WWOX: variants seen among roughly 807,000 people sequenced by gnomAD.
The protein encoded by WWOX is WW domain-containing oxidoreductase.
WWOX carries 69 observed loss-of-function variants against 46.2 expected under a neutral mutation model. The ratio of observed to expected loss-of-function variants is 1.49; its 90% CI spans 1.23 to 1.82. The LOEUF (loss-of-function observed/expected upper bound fraction) is 1.82, where lower values mean the gene tolerates loss of function less well. WWOX is among the 40% of genes most tolerant of loss of function. The probability of loss-of-function intolerance (pLI) is 0.00; values close to 1 mark genes in which losing one functional copy is unlikely to be tolerated. For missense variants in WWOX, 919 were observed against 542.6 expected (o/e 1.69, Z -6.89); for synonymous variants, 359 against 202.6 (o/e 1.77, Z -6.56).
At chr16:78,423,155 G>A (rs555931589) in intron 6 of WWOX, among the ~76,000 whole-genome samples, 2 of 152,222 alleles carry the variant, frequency 1.3e-5, no homozygotes, top group Admixed American at 6.5e-5. Context: ...AAAGTGCTGA[G>A]ATTACAGGCG....
At chr16:78,188,880 T>C (rs1052185613) in intron 5 of WWOX, among the ~76,000 whole-genome samples, 1 of 152,180 alleles carries the variant, frequency 6.6e-6, no homozygotes, top group Non-Finnish European at 1.5e-5. Flanking sequence ...ATTCTGCATT[T>C]GACTAACAGA....
intron 8 of WWOX, among the ~76,000 whole-genome samples, chr16:79,058,114 AAAAAAACAAACAAAC>A (rs2048296710): frequency 7.7e-6 from 1 of 129,742 alleles, no homozygotes; most frequent in African/African-American, 4.0e-5. Flanking sequence ...CTTAAAAAAA[AAAAAAACAAACAAAC>A]AAAAAAAAAA....
intron 4 of WWOX, among the ~76,000 whole-genome samples, chr16:78,154,485 C>CTTT (rs557916068): frequency 2.6e-4 from 20 of 77,816 alleles, no homozygotes; most frequent in Middle Eastern, 8.8e-3. Context: ...AATCCTTGAT[C>CTTT]TTTTTTTTTT....
chr16:78,769,932 T>C (rs755267016), intron 8 of WWOX, among the ~76,000 whole-genome samples: 63 of 152,260 alleles, frequency 4.1e-4, no homozygotes, highest in Middle Eastern at 6.8e-3. Context: ...GGGTCCCAGC[T>C]ACTTGGCAGG....
At chr16:79,142,914 G>A (rs1352851525) in intron 8 of WWOX, among the ~76,000 whole-genome samples, 1 of 151,994 alleles carries the variant, frequency 6.6e-6, no homozygotes, top group Non-Finnish European at 1.5e-5. Context: ...TTATTGCCCA[G>A]GCTGATCTTG....
At chr16:78,265,297 G>T (rs1274173206) in intron 5 of WWOX, among the ~76,000 whole-genome samples, 2 of 151,982 alleles carry the variant, frequency 1.3e-5, no homozygotes, top group African/African-American at 2.4e-5. Context: ...ACCCAGCCAA[G>T]AAATTAATTT....
intron 8 of WWOX, among the ~76,000 whole-genome samples, chr16:78,688,277 G>A (rs905072045): frequency 6.0e-5 from 9 of 150,504 alleles, no homozygotes; most frequent in African/African-American, 1.7e-4. Context: ...TTGTTGCATC[G>A]TCTTTATCCT....
At chr16:78,783,369 G>A (rs1406006948) in intron 8 of WWOX, among the ~76,000 whole-genome samples, 1 of 152,196 alleles carries the variant, frequency 6.6e-6, no homozygotes, top group African/African-American at 2.4e-5. Context: ...TACAGGGCCA[G>A]GCCTTGAAGG....
At chr16:78,255,560 A>T (rs1387823531) in intron 5 of WWOX, among the ~76,000 whole-genome samples, 1 of 152,148 alleles carries the variant, frequency 6.6e-6, no homozygotes, top group African/African-American at 2.4e-5. Flanking sequence ...TATAGGGGGC[A>T]TGTTTACTCT....
intron 5 of WWOX, chr16:78,280,709 A>C (rs1236913609): frequency 6.6e-6 from 1 of 152,200 alleles, no homozygotes; most frequent in Non-Finnish European, 1.5e-5. Flanking sequence ...GTTTAGGAAA[A>C]AAAAAGCGCA....
chr16:78,576,891 A>T (rs1299552449), intron 8 of WWOX, among the ~76,000 whole-genome samples: 3 of 152,148 alleles, frequency 2.0e-5, no homozygotes, highest in African/African-American at 7.2e-5. Flanking sequence ...TAAGGCTAAC[A>T]TTTCTTTGCC....
At chr16:79,190,448 C>A (rs1192502056) in intron 8 of WWOX, among the ~76,000 whole-genome samples, 1 of 152,162 alleles carries the variant, frequency 6.6e-6, no homozygotes, top group Non-Finnish European at 1.5e-5. Flanking sequence ...TCGTAGGTCT[C>A]TGAAAATTCA....
At chr16:78,963,107 C>G (rs1442436745) in intron 8 of WWOX, among the ~76,000 whole-genome samples, 4 of 152,144 alleles carry the variant, frequency 2.6e-5, no homozygotes, top group South Asian at 2.1e-4. Flanking sequence ...TAACATTTCC[C>G]TCTATTTGCA....
intron 8 of WWOX, among the ~76,000 whole-genome samples, chr16:78,719,591 C>A (rs1446945980): frequency 6.6e-6 from 1 of 152,154 alleles, no homozygotes; most frequent in Non-Finnish European, 1.5e-5. Flanking sequence ...AGAAAAGAGA[C>A]CCCTCAATGC....
chr16:78,103,019 C>G (rs1375020698), intron 1 of WWOX, among the ~76,000 whole-genome samples: 3 of 152,204 alleles, frequency 2.0e-5, no homozygotes, highest in Non-Finnish European at 4.4e-5. Context: ...GCTTCTGCTT[C>G]CCTGCAGGCT....
intron 8 of WWOX, among the ~76,000 whole-genome samples, chr16:78,531,469 AC>A (rs1299566336): frequency 6.6e-6 from 1 of 152,176 alleles, no homozygotes; most frequent in East Asian, 1.9e-4. Flanking sequence ...ATTATGTCAT[AC>A]CAAAAATTAT....
chr16:78,144,106 T>C lies in WWOX; in HGVS notation c.410-20077T>C, dbSNP rs142212019. On this transcript the variant is annotated intron_variant, in intron 4 of 8. Transcript: ENST00000566780. Reference sequence around the variant, plus strand: ...AGAAATTTTCCACCTGCCCCTTGGCTCAGGCAATTTGTCAGTCTTACTACT... The same window carrying C: ...AGAAATTTTCCACCTGCCCCTTGGCCCAGGCAATTTGTCAGTCTTACTACT... Among the ~76,000 whole-genome samples, 12 of 152,226 alleles carry C rather than the reference T, an allele frequency of 7.9e-5. No individual in the cohort carries two copies. The East Asian group carries it at 2.3e-3, about 30-fold the overall frequency.
chr16:78,833,941 A>T lies in WWOX; in HGVS notation c.1057-377667A>T, dbSNP rs541572587. 3.9e-5 allele frequency among the ~76,000 whole-genome samples: 6 copies of T among 152,334 alleles called. No individual in the cohort carries two copies. In the East Asian group the frequency reaches 1.2e-3, roughly 29 times the overall value. On this transcript the variant is annotated intron_variant, in intron 8 of 8. Coordinates refer to ENST00000566780, the MANE Select transcript of WWOX (RefSeq NM_016373.4). ...TCTTTGAGGCCAAGGACTGTGTCTT[A>T]TTCTGTGTTGCATCCCTTTGGCTTC...
intron 8 of WWOX, among the ~76,000 whole-genome samples, chr16:79,020,390 T>C (rs2047509804): frequency 6.6e-6 from 1 of 152,150 alleles, no homozygotes; most frequent in South Asian, 2.1e-4. Flanking sequence ...CTTGCTATAA[T>C]AGCTGTATCA....
Sources: gnomAD v4.1 joint callset for allele counts (sites outside exome capture counted in the v4.1 genomes callset) on GRCh38, gnomAD v4.1.1 for gene constraint, MANE v1.5 for transcripts, NCBI Gene and HGNC (gene_info 2026-07-23, HGNC 2026-07-21) for gene names.